RIC1: variants seen among roughly 807,000 people sequenced by gnomAD.
The protein encoded by RIC1 is guanine nucleotide exchange factor subunit RIC1.
RIC1 carries 88 observed loss-of-function variants against 169.0 expected under a neutral mutation model. The ratio of observed to expected loss-of-function variants is 0.52; its 90% confidence interval spans 0.44 to 0.62. RIC1 has a LOEUF of 0.62. RIC1 is among the 20% of genes least tolerant of loss of function. The probability of loss-of-function intolerance (pLI) is 0.00; values close to 1 mark genes in which losing one functional copy is unlikely to be tolerated. For missense variants in RIC1, 1,877 were observed against 1,725.5 expected, an observed-to-expected ratio of 1.09 and a Z score of -1.56; for synonymous variants, 790 against 601.5, an observed-to-expected ratio of 1.31 and a Z score of -4.59.
At chr9:5,675,245 G>T (rs1192140281) in intron 2 of RIC1, among the ~76,000 whole-genome samples, 1 of 152,186 alleles carries the variant, frequency 6.6e-6, no homozygotes, top group Non-Finnish European at 1.5e-5. Flanking sequence ...TGGCAGAGCA[G>T]GAAATTGGAA....
intron 18 of RIC1, 135 bp downstream of exon 18, chr9:5,762,795 C>A (rs1826428544): frequency 2.6e-6 from 3 of 1,151,162 alleles, no homozygotes; most frequent in Non-Finnish European, 2.4e-6. Flanking sequence ...CAGTCTTAAG[C>A]CTCTGGGTGT....
At chr9:5,718,139 C>CAAAAAAAAAAAAAAAA (rs35477806) in intron 4 of RIC1, among the ~76,000 whole-genome samples, 1 of 28,082 alleles carries the variant, frequency 3.6e-5, no homozygotes, top group African/African-American at 1.2e-4. Flanking sequence ...GACTCCGTCT[C>CAAAAAAAAAAAAAAAA]AAAAAAAAAA....
chr9:5,767,565 G>A (rs947009238), intron 21 of RIC1, among the ~76,000 whole-genome samples: 2 of 150,950 alleles, frequency 1.3e-5, no homozygotes, highest in Admixed American at 6.6e-5. Flanking sequence ...CTTATTGAAC[G>A]TTTGTTATTG....
chr9:5,707,663 T>TTTTGTTTG (rs542567575), intron 3 of RIC1, among the ~76,000 whole-genome samples: 2 of 152,062 alleles, frequency 1.3e-5, no homozygotes, highest in East Asian at 1.9e-4. Flanking sequence ...TCTTTTGTTT[T>TTTTGTTTG]TTTGTTTGTT....
chr9:5,654,682 T>C (rs1295400738), intron 1 of RIC1, among the ~76,000 whole-genome samples: 1 of 151,954 alleles, frequency 6.6e-6, no homozygotes, highest in Non-Finnish European at 1.5e-5. Context: ...TGGGATTAAT[T>C]TTTGTATTTT....
chr9:5,717,196 C>G (rs956174051), intron 4 of RIC1, among the ~76,000 whole-genome samples: 2 of 152,098 alleles, frequency 1.3e-5, no homozygotes, highest in African/African-American at 4.8e-5. Flanking sequence ...TTGTTTGTTG[C>G]AGCATCACTG....
Position 5,742,921 on chromosome 9 carries a change from T to C in RIC1, c.954T>C (p.Asn318=), listed in dbSNP as rs1197573601. ...AATTGATGAGATGGTCTCCTGACAA[T>C]AGTGTTGTAATAGTGACCTGGGAAT... ...AVKLMRWSPD[N]SVVIVTWEYG... The change falls in exon 9 of 26, where the codon AAT becomes AAC. Residue 318 remains asparagine, a synonymous_variant. Transcript: ENST00000414202. 6.2e-7 allele frequency: 1 copy of C among 1,613,086 alleles called. No homozygotes were observed. Among genetic ancestry groups the C allele is most frequent in the East Asian group, 2.2e-5 (1 of 44,814 alleles).
intron 19 of RIC1, chr9:5,765,197 T>G (rs1826634980): frequency 2.0e-6 from 1 of 490,582 alleles, no homozygotes; most frequent in African/African-American, 2.0e-5. Flanking sequence ...GTATGCTATC[T>G]GGCATGTAGT....
intron 4 of RIC1, chr9:5,719,202 G>A: frequency 6.6e-6 from 1 of 152,166 alleles, no homozygotes. Flanking sequence ...CTTTGTGCCA[G>A]TACCTTTGCG....
chr9:5,724,536 T>C (rs1029236899), intron 6 of RIC1, among the ~76,000 whole-genome samples: 5 of 152,246 alleles, frequency 3.3e-5, no homozygotes, highest in African/African-American at 7.2e-5. Context: ...CTTTTCCTAA[T>C]TGAATACCCT....
At chr9:5,714,237 A>G (rs1217363565) in intron 4 of RIC1, among the ~76,000 whole-genome samples, 1 of 152,206 alleles carries the variant, frequency 6.6e-6, no homozygotes, top group East Asian at 1.9e-4. Flanking sequence ...TTTGAAATTT[A>G]TATTTTATAA....
rs561040200 is a variant in RIC1, at chr9:5,636,382, C to T, written c.144+6929C>T. On this transcript the variant is annotated intron_variant, in intron 1 of 25. Coordinates refer to ENST00000414202, the MANE Select transcript of RIC1 (RefSeq NM_020829.4). ...TCACCGAGGCTGGAGTGCAATGGAGCGATCTCAACTCACTGCAGCCTCTGC... is the reference window on the plus strand; with the variant it reads ...TCACCGAGGCTGGAGTGCAATGGAGTGATCTCAACTCACTGCAGCCTCTGC... Among the ~76,000 whole-genome samples, 69 of 152,170 alleles carry T rather than the reference C, an allele frequency of 4.5e-4. 1 individual carries two copies. In the South Asian group the frequency reaches 7.1e-3, roughly 16 times the overall value.
chr9:5,653,867 A>T (rs1254533786), intron 1 of RIC1, among the ~76,000 whole-genome samples: 2 of 152,162 alleles, frequency 1.3e-5, no homozygotes, highest in African/African-American at 4.8e-5. Context: ...AAGTGCTGGG[A>T]TTACAGGCAT....
intron 2 of RIC1, among the ~76,000 whole-genome samples, chr9:5,670,093 A>G (rs1215543853): frequency 6.6e-6 from 1 of 152,222 alleles, no homozygotes; most frequent in Admixed American, 6.5e-5. Context: ...ATACCTGTGC[A>G]TCTCACAAAT....
At chr9:5,739,784 A>C (rs1343115048) in intron 8 of RIC1, among the ~76,000 whole-genome samples, 2 of 152,256 alleles carry the variant, frequency 1.3e-5, no homozygotes, top group Non-Finnish European at 1.5e-5. Flanking sequence ...AAAAAGGTTC[A>C]CCAGAGTTTA....
chr9:5,646,800 C>T (rs1818541161), intron 1 of RIC1, among the ~76,000 whole-genome samples: 1 of 152,184 alleles, frequency 6.6e-6, no homozygotes, highest in Non-Finnish European at 1.5e-5. Context: ...TGATGCACAG[C>T]ATTTTCAATT....
intron 17 of RIC1, among the ~76,000 whole-genome samples, chr9:5,759,862 A>G (rs1418998323): frequency 6.6e-6 from 1 of 152,206 alleles, no homozygotes; most frequent in African/African-American, 2.4e-5. Context: ...AAAGTTCATT[A>G]TACTATTCTC....
chr9:5,752,380 C>G (rs1315285278), intron 12 of RIC1, among the ~76,000 whole-genome samples: 2 of 151,704 alleles, frequency 1.3e-5, no homozygotes, highest in Non-Finnish European at 2.9e-5. Flanking sequence ...AGTGGTTGTA[C>G]CTAAGTAACA....
rs1341887214 is a variant in RIC1, at chr9:5,747,489, A to T, written c.1436A>T (p.His479Leu). Residue 479 changes from histidine (H) to leucine (L), a missense_variant, in exon 12 of 26, where the codon CAT becomes CTT. His to Leu is a moderately conservative substitution (Grantham distance 99, BLOSUM62 -3). Transcript: ENST00000414202. ...QGLSTLLGHR[H>L]WHVVQISSTY... ...TTAAGCACTTTACTTGGACATCGGC[A>T]TTGGCATGTTGTACAGGTAAATCTT... is the stretch of plus-strand genomic sequence containing the variant. The T allele has an allele frequency of 1.9e-6, 3 of 1,613,858 alleles. No homozygotes were observed. Among genetic ancestry groups the T allele is most frequent in the Non-Finnish European group, 2.5e-6 (3 of 1,179,716 alleles).
Sources: gnomAD v4.1 joint callset for allele counts (sites outside exome capture counted in the v4.1 genomes callset) on GRCh38, gnomAD v4.1.1 for gene constraint, MANE v1.5 for transcripts, NCBI Gene and HGNC (gene_info 2026-07-23, HGNC 2026-07-21) for gene names.